Variants in PTGIR observed in about 807,000 individuals in gnomAD.
The protein encoded by PTGIR is prostaglandin I2 receptor.
A neutral mutation model predicts 17.6 loss-of-function variants in PTGIR; 16 were observed. That is an observed-to-expected ratio of 0.91 (90% CI 0.61 to 1.38). The LOEUF (loss-of-function observed/expected upper bound fraction) is 1.38. PTGIR is among the 40% of genes most tolerant of loss of function. The pLI is 0.00. For missense variants in PTGIR, 532 were observed against 548.6 expected (o/e 0.97, Z 0.30); for synonymous variants, 274 against 255.4 (o/e 1.07, Z -0.69).
chr19:46,617,342 A>T (rs1247583769), downstream of PTGIR, among the ~76,000 whole-genome samples: 1 of 152,168 alleles, frequency 6.6e-6, no homozygotes, highest in Non-Finnish European at 1.5e-5. Context: ...AGGAGTTTCC[A>T]AATCACCCCC....
At chr19:46,619,368 G>A (rs566701348), downstream of PTGIR, among the ~76,000 whole-genome samples, 3 of 151,638 alleles carry the variant, frequency 2.0e-5, no homozygotes, top group South Asian at 4.2e-4. Context: ...GGTGGTGCAC[G>A]CCTGTAATCC....
In PTGIR at chr19:46,620,607, C is replaced by T; in HGVS notation, c.*673G>A. 1.0e-6 allele frequency: 1 copy of T among 978,374 alleles called. No homozygotes were observed. Among genetic ancestry groups the T allele is most frequent in the Non-Finnish European group, 1.2e-6 (1 of 826,670 alleles). The allele number at this position is 978,374 out of a possible 1,614,324, so 60.6% of individuals were successfully genotyped here. A position where few individuals can be genotyped will look rare whatever the true frequency, so the allele number is the denominator to read the frequency against. ...GCTTCTCCATCTGTCTCCCCACCAC[C>T]TGCACCCCCCCAGTTCTCATCTTGC... On this transcript the variant is annotated 3_prime_UTR_variant, in exon 3 of 3. Transcript: ENST00000291294.
chr19:46,619,568 AG>A (rs1972018343), downstream of PTGIR, among the ~76,000 whole-genome samples: 1 of 140,044 alleles, frequency 7.1e-6, no homozygotes, highest in South Asian at 2.3e-4. Context: ...AGAGAGAGAG[AG>A]AGAGAGAGAG....
At chr19:46,618,083 C>T (rs111606951), downstream of PTGIR, among the ~76,000 whole-genome samples, 4 of 149,664 alleles carry the variant, frequency 2.7e-5, no homozygotes, top group South Asian at 2.1e-4. Flanking sequence ...GGCGTGATCT[C>T]GGCTCACTGC....
At chr19:46,617,114 G>C (rs943725900), downstream of PTGIR, among the ~76,000 whole-genome samples, 1 of 152,236 alleles carries the variant, frequency 6.6e-6, no homozygotes. Context: ...AAAATGTCAC[G>C]GCCTCTTTGA....
downstream of PTGIR, among the ~76,000 whole-genome samples, chr19:46,619,620 A>T (rs1972025322): frequency 7.4e-6 from 1 of 134,472 alleles, no homozygotes; most frequent in Non-Finnish European, 1.6e-5. Context: ...AAAGAAAGAA[A>T]GAAAGAAAGA....
downstream of PTGIR, among the ~76,000 whole-genome samples, chr19:46,619,823 G>T (rs1972033679): frequency 6.6e-6 from 1 of 152,192 alleles, no homozygotes. Context: ...AACAGAGGGG[G>T]AGAGTAGGAA....
At chr19:46,616,643 T>C (rs549095585), downstream of PTGIR, among the ~76,000 whole-genome samples, 36 of 152,250 alleles carry the variant, frequency 2.4e-4, no homozygotes, top group Middle Eastern at 3.4e-3. Context: ...GAAACCCTTC[T>C]CTTAACTTGT....
chr19:46,621,982 AC>A lies in PTGIR; in HGVS notation c.769-311del, dbSNP rs2052734027. 1 of 985,228 alleles carries A rather than the reference AC, an allele frequency of 1.0e-6. No homozygotes were observed. The highest frequency in any genetic ancestry group is 1.7e-5 in the African/African-American group (1 of 57,204). The allele number at this position is 985,228 out of a possible 1,614,324, so 61.0% of individuals were successfully genotyped here. A position where few individuals can be genotyped will look rare whatever the true frequency, so the allele number is the denominator to read the frequency against. On this transcript the variant is annotated intron_variant, in intron 2 of 2. Coordinates refer to ENST00000291294, the MANE Select transcript of PTGIR (RefSeq NM_000960.4). This position sits in a 1 kb window ranked among gnomAD's most constrained non-coding sequence, Gnocchi z 4.8. ...AACGTCCCTGCAAGAAGGTGGCGCC[AC>A]CCGGCTGGGCCCCCTGAAACTGCCG...
In PTGIR at chr19:46,621,497, G is replaced by A. The variant is rs143946449; in HGVS notation, c.944C>T (p.Ala315Val). ...AAGGGGTGTCTGCGAGTCTCCGTGG[G>A]CAGGCCCGAGGCACAGGCAGCAGAC... is the stretch of plus-strand genomic sequence containing the variant. ...LWVCCLCLGP[A>V]HGDSQTPLSQ... Residue 315 changes from alanine (A) to valine (V), a missense_variant, in exon 3 of 3, where the codon GCC becomes GTC. Physicochemically the swap from Ala to Val is moderately conservative, Grantham distance 64 (BLOSUM62 0). Coordinates refer to ENST00000291294, the MANE Select transcript of PTGIR (RefSeq NM_000960.4). The surrounding 1 kb of genome is among the most constrained non-coding windows in gnomAD (Gnocchi z 4.8). 1.2e-6 allele frequency: 2 copies of A among 1,614,104 alleles called. No individual in the cohort carries two copies. The highest frequency in any genetic ancestry group is 2.7e-5 in the African/African-American group (2 of 74,954).
chr19:46,624,601 T>C, intron 1 of PTGIR: 1 of 178,108 alleles, frequency 5.6e-6, no homozygotes. Flanking sequence ...ATTACAGGCG[T>C]CCACTACCAC....
Position 46,624,184 on chromosome 19 carries a change from C to A in PTGIR, c.42G>T (p.Ser14=). 1 of 1,484,132 alleles carries A rather than the reference C, an allele frequency of 6.7e-7. No homozygotes were observed. Among genetic ancestry groups the A allele is most frequent in the East Asian group, 2.5e-5 (1 of 39,946 alleles). 91.9% of individuals were successfully genotyped at this position (1,484,132 alleles called of 1,614,324 possible). The change falls in exon 2 of 3, where the codon TCG becomes TCT. Residue 14 remains serine, a synonymous_variant. Coordinates refer to ENST00000291294, the MANE Select transcript of PTGIR (RefSeq NM_000960.4). ...SCRNLTYVRG[S]VGPATSTLMF... is the part of the protein sequence containing the mutation. ...TCAGGGTGCTGGTGGCCGGCCCCAC[C>A]GAGCCCCGCACGTAGGTGAGGTTCC...
rs1249754570 is a variant in PTGIR at position 46,621,146 on chromosome 19, G to A, written c.*134C>T. On this transcript the variant is annotated 3_prime_UTR_variant, in exon 3 of 3. Coordinates refer to ENST00000291294, the MANE Select transcript of PTGIR (RefSeq NM_000960.4). This position sits in a 1 kb window ranked among gnomAD's most constrained non-coding sequence, Gnocchi z 4.8. ...AGCCAGCAGCGACTGCCCTGCCGCA[G>A]GAGAAACAGCAGCTGATCGGCCCCA... The A allele has an allele frequency of 2.9e-6, 4 of 1,379,876 alleles. No individual in the cohort carries two copies. Among genetic ancestry groups the A allele is most frequent in the Admixed American group, 2.8e-5 (1 of 35,890 alleles). The allele number at this position is 1,379,876 out of a possible 1,614,324, so 85.5% of individuals were successfully genotyped here. A position where few individuals can be genotyped will look rare whatever the true frequency, so the allele number is the denominator to read the frequency against.
At chr19:46,616,785 T>A (rs534554057), downstream of PTGIR, among the ~76,000 whole-genome samples, 5 of 152,326 alleles carry the variant, frequency 3.3e-5, no homozygotes, top group Non-Finnish European at 5.9e-5. Flanking sequence ...CAAACTGAGC[T>A]ACGGGAGGGC....
downstream of PTGIR, among the ~76,000 whole-genome samples, chr19:46,616,794 G>T (rs2122297420): frequency 6.6e-6 from 1 of 152,302 alleles, no homozygotes; most frequent in Admixed American, 6.5e-5. Context: ...CTACGGGAGG[G>T]CAGGGCCAGG....
downstream of PTGIR, among the ~76,000 whole-genome samples, chr19:46,619,535 AAGAAAGAAAGAAAG>A (rs1281229521): frequency 1.5e-3 from 102 of 66,528 alleles, no homozygotes; most frequent in Non-Finnish European, 1.9e-3. Flanking sequence ...GAAAGAAAGA[AAGAAAGAAAGAAAG>A]AGAGAGAGAG....
At chr19:46,614,341 A>G in the PTGIR span, 2 of 974,378 alleles carry the variant, frequency 2.1e-6, no homozygotes, top group Non-Finnish European at 2.4e-6. Context: ...GAAGAGCTGC[A>G]ACTCCCAGGC....
At chr19:46,622,059 G>A in intron 2 of PTGIR, 1 of 985,458 alleles carries the variant, frequency 1.0e-6, no homozygotes, top group African/African-American at 1.7e-5. Flanking sequence ...CTGAGTCTCT[G>A]AGTCAGAGTA....
At position 46,623,219 on chromosome 19, in the gene PTGIR, A is replaced by G. The variant is rs185281607; in HGVS notation, c.768+239T>C. 2.3e-4 allele frequency: 99 copies of G among 424,264 alleles called. No homozygotes were observed. The East Asian group carries it at 3.6e-3, about 15-fold the overall frequency. The allele number at this position is 424,264 out of a possible 1,614,324, so 26.3% of individuals were successfully genotyped here. On this transcript the variant is annotated intron_variant, in intron 2 of 2. Coordinates refer to ENST00000291294, the MANE Select transcript of PTGIR (RefSeq NM_000960.4). ...ATCATGTTGGCCAGACTGGTCTCGA[A>G]CTCCTGACCTCAAATGATCCGCCGG...
Sources: allele counts gnomAD v4.1 joint callset (sites outside exome capture counted in the v4.1 genomes callset), GRCh38; gene constraint gnomAD v4.1.1; non-coding constraint Gnocchi (gnomAD v3.1); transcripts MANE v1.5; gene names NCBI Gene and HGNC (gene_info 2026-07-23, HGNC 2026-07-21).